The following KCNH1 variants were observed in gnomAD, a reference collection of about 807,000 sequenced individuals.
KCNH1 encodes the protein voltage-gated delayed rectifier potassium channel KCNH1.
Under a neutral mutation model 69.2 loss-of-function variants are expected in KCNH1, and 27 were observed. That is an observed-to-expected ratio of 0.39 (90% CI 0.29 to 0.54). The LOEUF (loss-of-function observed/expected upper bound fraction) is 0.54. KCNH1 is among the 20% of genes least tolerant of loss of function. KCNH1 has a pLI of 0.68. For synonymous variants in KCNH1, 456 were observed against 487.7 expected (o/e 0.93, Z 0.86); for missense variants, 798 against 1,261.6 (o/e 0.63, Z 5.57).
At chr1:210,697,076 G>A (rs774978140) in intron 10 of KCNH1, among the ~76,000 whole-genome samples, 4 of 152,198 alleles carry the variant, frequency 2.6e-5, no homozygotes, top group Admixed American at 6.5e-5. Flanking sequence ...TTTGCTGATG[G>A]TTTACTCAGT....
At chr1:210,923,012 C>A (rs891379556) in intron 6 of KCNH1, among the ~76,000 whole-genome samples, 1 of 151,514 alleles carries the variant, frequency 6.6e-6, no homozygotes, top group African/African-American at 2.4e-5. Flanking sequence ...TTCAAAGCAA[C>A]ATTTATGTAG....
At chr1:210,778,530 CAAA>C (rs10679033) in intron 9 of KCNH1, among the ~76,000 whole-genome samples, 3 of 122,370 alleles carry the variant, frequency 2.5e-5, no homozygotes, top group African/African-American at 3.1e-5. Flanking sequence ...GACTCTGTCT[CAAA>C]AAAAAAAAAA....
chr1:210,834,280 C>G (rs2102443779), intron 7 of KCNH1, among the ~76,000 whole-genome samples: 1 of 150,262 alleles, frequency 6.7e-6, no homozygotes, highest in East Asian at 1.9e-4. Flanking sequence ...GACTTGGAAC[C>G]AATCCAAATG....
At chr1:211,102,610 T>C (rs1691277930) in intron 3 of KCNH1, among the ~76,000 whole-genome samples, 1 of 152,042 alleles carries the variant, frequency 6.6e-6, no homozygotes, top group Non-Finnish European at 1.5e-5. Flanking sequence ...CCTACTCCAA[T>C]ACCGCAGACC....
At chr1:210,696,152 C>T (rs1158505954) in intron 10 of KCNH1, among the ~76,000 whole-genome samples, 1 of 152,198 alleles carries the variant, frequency 6.6e-6, no homozygotes. Context: ...AGCTCTCTTC[C>T]CAGAAGTCTG....
rs115378968 is a variant in KCNH1 at position 210,807,258 on chromosome 1, T to C, written c.1463-3092A>G. 1.9e-3 allele frequency among the ~76,000 whole-genome samples: 285 copies of C among 152,216 alleles called. 3 individuals carry two copies. Among genetic ancestry groups the C allele is most frequent in the African/African-American group, 6.9e-3 (285 of 41,542 alleles). ...TTGTGCTTCCCCTTTATGGTCACGC[T>C]TCCCTCAGCAATCACAACCTTTTTC... On this transcript the variant is annotated intron_variant, in intron 7 of 10. Transcript: ENST00000271751.
chr1:210,794,519 C>T (rs1400301462), intron 9 of KCNH1, among the ~76,000 whole-genome samples: 1 of 152,162 alleles, frequency 6.6e-6, no homozygotes, highest in Non-Finnish European at 1.5e-5. Flanking sequence ...TCAAGTAATT[C>T]AACAATAAAT....
At chr1:210,887,844 C>T (rs1014245960) in intron 7 of KCNH1, among the ~76,000 whole-genome samples, 2 of 150,866 alleles carry the variant, frequency 1.3e-5, no homozygotes, top group African/African-American at 4.9e-5. Flanking sequence ...GGGATCAACA[C>T]AACAAGGAGA....
chr1:210,884,612 G>C (rs1284625277), intron 7 of KCNH1, among the ~76,000 whole-genome samples: 1 of 152,174 alleles, frequency 6.6e-6, no homozygotes, highest in African/African-American at 2.4e-5. Flanking sequence ...TTTGGTGAGA[G>C]AAGAGCAGCA....
intron 10 of KCNH1, among the ~76,000 whole-genome samples, chr1:210,709,722 AAGAGAGAGAGAGAGAGAGAAAGAG>A (rs1682011539): frequency 1.0e-5 from 1 of 99,972 alleles, no homozygotes; most frequent in African/African-American, 2.7e-5. Flanking sequence ...AGAAAGAAAG[AAGAGAGAGAGAGAGAGAGAAAGAG>A]AGAGAGAGAG....
At chr1:210,792,128 A>G (rs2102393618) in intron 9 of KCNH1, among the ~76,000 whole-genome samples, 1 of 152,120 alleles carries the variant, frequency 6.6e-6, no homozygotes, top group South Asian at 2.1e-4. Flanking sequence ...AGTCACTTTC[A>G]GAAACTATTC....
chr1:210,706,968 G>C (rs1681928482), intron 10 of KCNH1, among the ~76,000 whole-genome samples: 1 of 152,196 alleles, frequency 6.6e-6, no homozygotes, highest in Admixed American at 6.5e-5. Context: ...CCGAAGGCTG[G>C]GTGCAGAAGA....
chr1:210,895,599 C>T (rs1228219956), intron 7 of KCNH1, among the ~76,000 whole-genome samples: 10 of 152,082 alleles, frequency 6.6e-5, no homozygotes, highest in Admixed American at 6.6e-4. Context: ...CATGTCTCCC[C>T]TTGGCAATAG....
intron 6 of KCNH1, among the ~76,000 whole-genome samples, chr1:211,018,102 A>T (rs890710051): frequency 6.6e-6 from 1 of 151,742 alleles, no homozygotes; most frequent in African/African-American, 2.4e-5. Context: ...TCCCCCCTTC[A>T]CCTTCCACCA....
intron 5 of KCNH1, among the ~76,000 whole-genome samples, chr1:211,057,235 T>G (rs1400173025): frequency 1.3e-5 from 2 of 152,128 alleles, no homozygotes; most frequent in Admixed American, 6.5e-5. Context: ...ACTGACATAC[T>G]GAAGAATGCA....
chr1:211,050,094 G>T (rs1463718792), intron 5 of KCNH1, among the ~76,000 whole-genome samples: 1 of 151,778 alleles, frequency 6.6e-6, no homozygotes, highest in Non-Finnish European at 1.5e-5. Flanking sequence ...CCCTCTGAGG[G>T]TGATAAGAAA....
intron 1 of KCNH1, among the ~76,000 whole-genome samples, chr1:211,110,436 G>C (rs1376397201): frequency 6.6e-6 from 1 of 151,990 alleles, no homozygotes; most frequent in Non-Finnish European, 1.5e-5. Context: ...TGATCATTTA[G>C]AACAACATTA....
chr1:211,131,342 A>G (rs1383627438), intron 1 of KCNH1, among the ~76,000 whole-genome samples: 1 of 152,210 alleles, frequency 6.6e-6, no homozygotes, highest in Non-Finnish European at 1.5e-5. Flanking sequence ...AAGCTGGAGA[A>G]ATTATAATGC....
At chr1:210,846,830 A>G (rs1685560443) in intron 7 of KCNH1, among the ~76,000 whole-genome samples, 1 of 152,166 alleles carries the variant, frequency 6.6e-6, no homozygotes, top group Non-Finnish European at 1.5e-5. Flanking sequence ...CAACCTACTC[A>G]TCTGACAAAG....
Sources: gnomAD v4.1 joint callset for allele counts (sites outside exome capture counted in the v4.1 genomes callset) on GRCh38, gnomAD v4.1.1 for gene constraint, MANE v1.5 for transcripts, NCBI Gene and HGNC (gene_info 2026-07-23, HGNC 2026-07-21) for gene names.